CD109: variants seen among roughly 807,000 people sequenced by gnomAD.
CD109 encodes CD109 antigen.
CD109 carries 149 observed loss-of-function variants against 165.8 expected under a neutral mutation model. The ratio of observed to expected loss-of-function variants is 0.90; its 90% confidence interval spans 0.79 to 1.03. CD109 has a LOEUF of 1.03. Ranked by LOEUF, CD109 falls within the 50% of genes least tolerant of loss-of-function variation. The probability of loss-of-function intolerance (pLI) is 0.00; values close to 1 mark genes in which losing one functional copy is unlikely to be tolerated. For missense variants in CD109, 1,712 were observed against 1,677.8 expected (o/e 1.02, Z -0.36); for synonymous variants, 585 against 592.1 (o/e 0.99, Z 0.18).
chr6:73,756,497 T>G, intron 5 of CD109, 146 bp from the exon 6 acceptor site: 1 of 579,600 alleles, frequency 1.7e-6, no homozygotes, highest in South Asian at 2.4e-5. Context: ...CTTCCATAAA[T>G]GAAAATAAAC....
At position 73,788,547 on chromosome 6, in the gene CD109, C is replaced by G. The variant is rs1375629682; in HGVS notation, c.2636C>G (p.Thr879Ser). The G allele has an allele frequency of 6.2e-7, 1 of 1,613,202 alleles. No homozygotes were observed. Reference sequence around the variant, plus strand: ...AATAGGCTACAGAGTACCCTGAAAACTTTGAGTTTCTCATTTCCTCCTAAT... The same window carrying G: ...AATAGGCTACAGAGTACCCTGAAAAGTTTGAGTTTCTCATTTCCTCCTAAT... ...TDNRLQSTLK[T>S]LSFSFPPNTV... Residue 879 changes from threonine (T) to serine (S), a missense_variant, in exon 22 of 33, where the codon ACT becomes AGT. Physicochemically the swap from Thr to Ser is moderately conservative, Grantham distance 58 (BLOSUM62 1). Transcript: ENST00000287097.
At position 73,812,225 on chromosome 6, in the gene CD109, G is replaced by A. The variant is rs61063525; in HGVS notation, c.3723G>A (p.Thr1241=). The change falls in exon 29 of 33, where the codon ACG becomes ACA. Residue 1241 remains threonine (T), a synonymous_variant. Coordinates refer to ENST00000287097, the MANE Select transcript of CD109 (RefSeq NM_133493.5). ...QTAELAVVQP[T]AVNISANGFG... is the part of the protein sequence containing the mutation. ...TTCAGCTTGCTGTGGTACAGCCAAC[G>A]GCAGTTAATATTTCCGCAAATGGTT... 1.2e-6 allele frequency: 2 copies of A among 1,609,444 alleles called. No homozygotes were observed. The highest frequency in any genetic ancestry group is 1.7e-6 in the Non-Finnish European group (2 of 1,177,160).
chr6:73,742,569 C>A (rs534862738), intron 5 of CD109, among the ~76,000 whole-genome samples: 59 of 152,352 alleles, frequency 3.9e-4, no homozygotes, highest in African/African-American at 1.4e-3. Context: ...CAGGTCTTTG[C>A]GTGACCCACG....
At chr6:73,818,323 A>G in intron 30 of CD109, 65 bp from the exon 31 acceptor site, 1 of 1,544,406 alleles carries the variant, frequency 6.5e-7, no homozygotes. Flanking sequence ...TTGTATGAAG[A>G]TAATTTGATA....
intron 31 of CD109, among the ~76,000 whole-genome samples, chr6:73,819,214 A>G (rs1233882352): frequency 6.6e-6 from 1 of 152,204 alleles, no homozygotes; most frequent in Non-Finnish European, 1.5e-5. Context: ...TCATATTCTT[A>G]CCTTGAAAAA....
chr6:73,780,089 C>T (rs1212869783), intron 15 of CD109, among the ~76,000 whole-genome samples: 1 of 151,260 alleles, frequency 6.6e-6, no homozygotes, highest in Non-Finnish European at 1.5e-5. Flanking sequence ...CAAAGTTAAC[C>T]TGTTTATCTC....
At position 73,818,899 on chromosome 6, in the gene CD109, G is replaced by A. The variant is rs1036243086; in HGVS notation, c.4059+364G>A. Among the ~76,000 whole-genome samples the A allele has an allele frequency of 3.3e-5, 5 of 152,130 alleles. No individual in the cohort carries two copies. In the East Asian group the frequency reaches 9.6e-4, roughly 29 times the overall value. ...TAGGCTGGAGTGCAGTGGTGCAATC[G>A]TAGCTCACTGCAACCTCCAACTCCT... is the stretch of plus-strand genomic sequence containing the variant. On this transcript the variant is annotated intron_variant, in intron 31 of 32. Coordinates refer to ENST00000287097, the MANE Select transcript of CD109 (RefSeq NM_133493.5).
At chr6:73,727,099 T>C (rs996824651) in intron 3 of CD109, among the ~76,000 whole-genome samples, 16 of 152,178 alleles carry the variant, frequency 1.1e-4, no homozygotes, top group African/African-American at 3.9e-4. Flanking sequence ...CCTCATAGTG[T>C]CCACTCTGCT....
intron 23 of CD109, among the ~76,000 whole-genome samples, chr6:73,795,079 T>C (rs1299702517): frequency 8.4e-6 from 1 of 118,780 alleles, no homozygotes; most frequent in African/African-American, 3.4e-5. Context: ...TGAATGAACG[T>C]TGTACCTTTT....
At chr6:73,788,283 A>C (rs1774775025) in intron 21 of CD109, among the ~76,000 whole-genome samples, 185 bp from the exon 22 acceptor site, 1 of 152,258 alleles carries the variant, frequency 6.6e-6, no homozygotes, top group Non-Finnish European at 1.5e-5. Flanking sequence ...CTGTGAAATG[A>C]ATGTATTACT....
intron 2 of CD109, among the ~76,000 whole-genome samples, chr6:73,708,174 G>A (rs1343944708): frequency 2.0e-5 from 3 of 151,774 alleles, no homozygotes; most frequent in Non-Finnish European, 4.4e-5. Context: ...ACAGGCCCCG[G>A]TGTGTGATGT....
intron 2 of CD109, among the ~76,000 whole-genome samples, chr6:73,699,571 T>C (rs1056072579): frequency 7.9e-5 from 12 of 152,184 alleles, no homozygotes; most frequent in African/African-American, 2.9e-4. Context: ...AAATAGTACC[T>C]ACATTGGGGT....
chr6:73,771,633 G>T, intron 15 of CD109, 52 bp downstream of exon 15: 1 of 1,316,802 alleles, frequency 7.6e-7, no homozygotes. Flanking sequence ...AGAGAAAGAG[G>T]AAACTTTATT....
chr6:73,776,845 T>C (rs781419925), intron 15 of CD109, among the ~76,000 whole-genome samples: 69 of 151,526 alleles, frequency 4.6e-4, no homozygotes, highest in Non-Finnish European at 8.7e-4. Context: ...ATGTGAGCAC[T>C]GTGCCTGGTG....
At chr6:73,818,851 C>G (rs1776024698) in intron 31 of CD109, among the ~76,000 whole-genome samples, 1 of 152,130 alleles carries the variant, frequency 6.6e-6, no homozygotes, top group African/African-American at 2.4e-5. Flanking sequence ...AATTTGAGAG[C>G]CTGTCTGCCT....
chr6:73,817,497 T>C (rs971303046), intron 30 of CD109, among the ~76,000 whole-genome samples: 6 of 152,210 alleles, frequency 3.9e-5, no homozygotes, highest in African/African-American at 1.4e-4. Flanking sequence ...CAATCAGTCA[T>C]GTTTGGCAGG....
intron 23 of CD109, among the ~76,000 whole-genome samples, chr6:73,801,849 C>T (rs1272560501): frequency 4.6e-5 from 7 of 152,208 alleles, no homozygotes; most frequent in African/African-American, 1.2e-4. Flanking sequence ...CTGCAAAGCT[C>T]AGGCTGTGTG....
At position 73,728,195 on chromosome 6, in the gene CD109, C is replaced by T. The variant is rs144187505; in HGVS notation, c.277-2149C>T. 1.8e-3 allele frequency among the ~76,000 whole-genome samples: 281 copies of T among 152,246 alleles called. 2 individuals carry two copies. The highest frequency in any genetic ancestry group is 6.5e-3 in the African/African-American group (270 of 41,550). ...AATTAGCTAGGCATGGTGGCGCACA[C>T]CTGTAGTCCCAGCTACTTGGGAGGC... On this transcript the variant is annotated intron_variant, in intron 3 of 32. Transcript: ENST00000287097.
chr6:73,737,532 T>C (rs577122187), intron 5 of CD109, among the ~76,000 whole-genome samples: 1 of 152,356 alleles, frequency 6.6e-6, no homozygotes, highest in South Asian at 2.1e-4. Context: ...GCTCATACTG[T>C]TAGAGAACAA....
Sources: allele counts gnomAD v4.1 joint callset (sites outside exome capture counted in the v4.1 genomes callset), GRCh38; gene constraint gnomAD v4.1.1; transcripts MANE v1.5; gene names NCBI Gene and HGNC (gene_info 2026-07-23, HGNC 2026-07-21).